TRPM3: variants seen among roughly 807,000 people sequenced by gnomAD.
TRPM3 encodes transient receptor potential cation channel subfamily M member 3.
Under a neutral mutation model 181.2 loss-of-function variants are expected in TRPM3, and 77 were observed. That is an observed-to-expected ratio of 0.42 (90% CI 0.35 to 0.51). TRPM3 has a LOEUF of 0.51. Among genes scored for constraint, TRPM3 ranks in the 20% least tolerant of loss-of-function variants. The probability of loss-of-function intolerance (pLI) is 0.01; values close to 1 mark genes in which losing one functional copy is unlikely to be tolerated. For missense variants in TRPM3, 1,759 were observed against 2,196.7 expected (o/e 0.80, Z 3.98); for synonymous variants, 745 against 796.4 (o/e 0.94, Z 1.09).
chr9:71,441,246 A>C (rs553876046), intron 1 of TRPM3, among the ~76,000 whole-genome samples: 14 of 152,280 alleles, frequency 9.2e-5, no homozygotes, highest in Middle Eastern at 3.4e-3. Flanking sequence ...TTCACACACA[A>C]AAAAAATCAC....
intron 1 of TRPM3, among the ~76,000 whole-genome samples, chr9:71,185,363 G>A (rs185647434): frequency 3.2e-3 from 483 of 152,134 alleles, no homozygotes; most frequent in African/African-American, 0.011. Context: ...AAAGACATTC[G>A]CTTGTAGCAA....
intron 1 of TRPM3, among the ~76,000 whole-genome samples, chr9:71,029,409 T>C (rs1366237495): frequency 6.6e-6 from 1 of 152,180 alleles, no homozygotes; most frequent in East Asian, 1.9e-4. Context: ...ATGCTTGGAT[T>C]TCTAGTGCCA....
chr9:71,296,061 CAAA>C (rs1263680103), intron 1 of TRPM3, among the ~76,000 whole-genome samples: 2 of 151,954 alleles, frequency 1.3e-5, no homozygotes, highest in African/African-American at 4.8e-5. Flanking sequence ...GAAAATGGTA[CAAA>C]AATACTAAGA....
chr9:70,937,164 C>CA lies in TRPM3; in HGVS notation c.178-72654dup, dbSNP rs370669673. Among the ~76,000 whole-genome samples, 680 of 148,062 alleles carry CA rather than the reference C, an allele frequency of 4.6e-3. 1 individual carries two copies. The highest frequency in any genetic ancestry group is 0.017 in the Middle Eastern group (5 of 294). On this transcript the variant is annotated intron_variant, in intron 1 of 25. Transcript: ENST00000677713. Reference sequence around the variant, plus strand: ...AACTTCTTTTCATAATTGTACATTTCAAAAAAAAAATAAGTCTTTCAAAGT... The same window carrying CA: ...AACTTCTTTTCATAATTGTACATTTCAAAAAAAAAAATAAGTCTTTCAAAGT...
At chr9:70,571,921 C>T (rs923983469) in intron 22 of TRPM3, among the ~76,000 whole-genome samples, 2 of 152,136 alleles carry the variant, frequency 1.3e-5, no homozygotes, top group African/African-American at 4.8e-5. Context: ...TGTCTCTCTG[C>T]CCCCTTGAAG....
rs535400608 is a variant in TRPM3 at position 71,239,122 on chromosome 9, C to A, written c.183+207531G>T. On this transcript the variant is annotated intron_variant, in intron 1 of 24. Transcript: ENST00000357533. ...ACAGCATTTTAAAACTCTGGTACCA[C>A]AAATCCAATGCGGAACATTTAATAT... is the stretch of plus-strand genomic sequence containing the variant. Among the ~76,000 whole-genome samples the A allele has an allele frequency of 2.6e-5, 4 of 152,226 alleles. No individual in the cohort carries two copies. The South Asian group carries it at 6.2e-4, about 24-fold the overall frequency.
chr9:70,788,002 CTGACTT>C (rs1185888151), intron 6 of TRPM3, among the ~76,000 whole-genome samples: 6 of 122,972 alleles, frequency 4.9e-5, no homozygotes, highest in African/African-American at 1.7e-4. Context: ...TCTCACTATC[CTGACTT>C]TTTTTTTTTT....
intron 1 of TRPM3, among the ~76,000 whole-genome samples, chr9:71,261,237 T>C (rs141316325): frequency 4.1e-4 from 63 of 152,322 alleles, no homozygotes; most frequent in Non-Finnish European, 1.5e-5. Context: ...TGTCTTCACA[T>C]TTTATTTCAT....
At chr9:71,119,291 T>G (rs2073110551) in intron 1 of TRPM3, among the ~76,000 whole-genome samples, 1 of 152,178 alleles carries the variant, frequency 6.6e-6, no homozygotes, top group Admixed American at 6.5e-5. Context: ...GGACACACAG[T>G]AATGCACTTT....
At chr9:71,028,459 A>G (rs2056862341) in intron 1 of TRPM3, among the ~76,000 whole-genome samples, 1 of 152,242 alleles carries the variant, frequency 6.6e-6, no homozygotes, top group Non-Finnish European at 1.5e-5. Context: ...ATCCACATGT[A>G]TCAATACTAA....
At chr9:71,399,670 A>G (rs761657347) in intron 1 of TRPM3, among the ~76,000 whole-genome samples, 17 of 151,518 alleles carry the variant, frequency 1.1e-4, no homozygotes, top group Admixed American at 3.9e-4. Flanking sequence ...CTGGGACTAC[A>G]GGCACCCGCC....
intron 19 of TRPM3, among the ~76,000 whole-genome samples, chr9:70,605,441 ACACCCC>A (rs1269688450): frequency 6.6e-5 from 10 of 151,844 alleles, no homozygotes; most frequent in South Asian, 2.1e-4. Flanking sequence ...TTGTGCTGGC[ACACCCC>A]CACCCCCACC....
intron 1 of TRPM3, among the ~76,000 whole-genome samples, chr9:71,403,343 A>G (rs890342723): frequency 6.6e-6 from 1 of 152,080 alleles, no homozygotes; most frequent in African/African-American, 2.4e-5. Flanking sequence ...AACTTTGCCA[A>G]CTCCTGTTCT....
At chr9:71,153,940 G>A (rs1483251293) in intron 1 of TRPM3, among the ~76,000 whole-genome samples, 1 of 151,920 alleles carries the variant, frequency 6.6e-6, no homozygotes, top group Non-Finnish European at 1.5e-5. Flanking sequence ...TGCCTTTACT[G>A]TTTTGCAACT....
intron 6 of TRPM3, among the ~76,000 whole-genome samples, chr9:70,806,715 T>G (rs1257738002): frequency 1.3e-5 from 2 of 150,972 alleles, no homozygotes; most frequent in South Asian, 2.1e-4. Flanking sequence ...TAAAATAAAA[T>G]AAAATAAAAA....
chr9:70,686,819 CT>C (rs1445544504), intron 8 of TRPM3, among the ~76,000 whole-genome samples: 1 of 80,440 alleles, frequency 1.2e-5, no homozygotes, highest in Non-Finnish European at 2.5e-5. Flanking sequence ...CTTTTCTTTT[CT>C]TTTTCTTTTT....
chr9:71,406,166 C>G (rs2093432609), intron 1 of TRPM3, among the ~76,000 whole-genome samples: 1 of 152,082 alleles, frequency 6.6e-6, no homozygotes, highest in Non-Finnish European at 1.5e-5. Context: ...AAGATCCAAG[C>G]CTATCTATTT....
chr9:71,294,809 TG>T (rs1201367891), intron 1 of TRPM3, among the ~76,000 whole-genome samples: 3 of 152,290 alleles, frequency 2.0e-5, no homozygotes, highest in African/African-American at 7.2e-5. Flanking sequence ...TGAGCACGAT[TG>T]ATTCTGAGTA....
intron 5 of TRPM3, among the ~76,000 whole-genome samples, chr9:70,829,724 T>C (rs947837918): frequency 6.6e-6 from 1 of 152,142 alleles, no homozygotes; most frequent in Non-Finnish European, 1.5e-5. Context: ...TCTCTAGTAA[T>C]TGCATGGAGC....
Sources: gnomAD v4.1 joint callset for allele counts (sites outside exome capture counted in the v4.1 genomes callset) on GRCh38, gnomAD v4.1.1 for gene constraint, MANE v1.5 for transcripts, NCBI Gene and HGNC (gene_info 2026-07-23, HGNC 2026-07-21) for gene names.